The following ANKRD7 variants were observed in gnomAD, a reference collection of about 807,000 sequenced individuals.
The protein encoded by ANKRD7 is ankyrin repeat domain 7.
A neutral mutation model predicts 30.8 loss-of-function variants in ANKRD7; 30 were observed. The observed-to-expected ratio is 0.97, with a 90% CI of 0.73 to 1.32. The LOEUF (loss-of-function observed/expected upper bound fraction) is 1.32, where lower values mean the gene tolerates loss of function less well. Ranked by LOEUF, ANKRD7 falls within the 40% of genes most tolerant of loss-of-function variation. ANKRD7 has a pLI of 0.00. For missense variants in ANKRD7, 264 were observed against 295.7 expected, an observed-to-expected ratio of 0.89 and a Z score of 0.79; for synonymous variants, 97 against 106.6, an observed-to-expected ratio of 0.91 and a Z score of 0.55.
At chr7:118,230,882 C>G (rs1359527210) in intron 1 of ANKRD7, among the ~76,000 whole-genome samples, 1 of 151,752 alleles carries the variant, frequency 6.6e-6, no homozygotes, top group East Asian at 1.9e-4. Context: ...GTCTCTGAAA[C>G]CTCATGTAAG....
Position 118,234,852 on chromosome 7 carries a change from C to G in ANKRD7, c.446C>G (p.Ala149Gly). The change falls in exon 3 of 7, where the codon GCT becomes GGT. Residue 149 changes from alanine (A) to glycine (G), a missense_variant. Ala to Gly is a moderately conservative substitution (Grantham distance 60). Coordinates refer to ENST00000265224, the MANE Select transcript of ANKRD7 (RefSeq NM_019644.4). The part of the protein sequence containing the change: ...SLVEKLLEYE[A>G]DLEAKNKDGY... ...GTTGAAAAACTGCTTGAATACGAAG[C>G]TGATCTTGAAGCGAAAAATAAGGTA... 13 of 1,603,422 alleles carry G rather than the reference C, an allele frequency of 8.1e-6. No individual in the cohort carries two copies. The highest frequency in any genetic ancestry group is 1.0e-5 in the Non-Finnish European group (12 of 1,177,236).
In ANKRD7 at chr7:118,224,877, G is replaced by A. The variant is rs777653179; in HGVS notation, c.47G>A (p.Ser16Asn). The change falls in exon 1 of 7, where the codon AGC (serine) becomes AAC (asparagine). Residue 16 changes from serine (S) to asparagine (N), a missense_variant. Coordinates refer to ENST00000265224, the MANE Select transcript of ANKRD7 (RefSeq NM_019644.4). ...TGGAAGAGGAAGAATGAGACCCGCAGCCAGGGCTACAACCTTCGAGAAAAG... is the reference window on the plus strand; with the variant it reads ...TGGAAGAGGAAGAATGAGACCCGCAACCAGGGCTACAACCTTCGAGAAAAG... ...SFWKRKNETR[S>N]QGYNLREKDL... 8.7e-6 allele frequency: 14 copies of A among 1,614,026 alleles called. No individual in the cohort carries two copies. Among genetic ancestry groups the A allele is most frequent in the South Asian group, 1.1e-5 (1 of 91,086 alleles).
In ANKRD7 at chr7:118,236,062, G is replaced by A. The variant is rs1584725409; in HGVS notation, c.490G>A (p.Val164Ile). Residue 164 changes from valine (V) to isoleucine (I), a missense_variant, in exon 4 of 7, where the codon GTT becomes ATT. Transcript: ENST00000265224. ...KNKDGYTPLL[V>I]AVINNNPKMV... ...TCAGGATGGGTATACTCCACTATTA[G>A]TTGCCGTTATTAACAATAATCCAAA... The A allele has an allele frequency of 2.5e-6, 4 of 1,596,170 alleles. No homozygotes were observed. The highest frequency in any genetic ancestry group is 2.2e-5 in the East Asian group (1 of 44,666).
At chr7:118,232,403 A>G (rs1809657377) in intron 1 of ANKRD7, among the ~76,000 whole-genome samples, 1 of 152,076 alleles carries the variant, frequency 6.6e-6, no homozygotes, top group South Asian at 2.1e-4. Flanking sequence ...GAATATTGTG[A>G]ACTTTTCAGT....
At chr7:118,235,586 T>C (rs1383198003) in intron 3 of ANKRD7, among the ~76,000 whole-genome samples, 2 of 124,192 alleles carry the variant, frequency 1.6e-5, no homozygotes, top group African/African-American at 6.4e-5. Flanking sequence ...CACTCCAGCC[T>C]GGGCAACAGA....
chr7:118,241,788 C>G (rs1468585997), intron 6 of ANKRD7, among the ~76,000 whole-genome samples: 3 of 151,946 alleles, frequency 2.0e-5, no homozygotes, highest in Non-Finnish European at 4.4e-5. Context: ...ATCCGCCAGC[C>G]TCGGCCTCCC....
chr7:118,238,886 G>A (rs186781278), intron 5 of ANKRD7, among the ~76,000 whole-genome samples: 15 of 152,284 alleles, frequency 9.9e-5, no homozygotes, highest in Admixed American at 3.9e-4. Context: ...CGTGAAAGCC[G>A]TGGCCTAGTA....
intron 1 of ANKRD7, among the ~76,000 whole-genome samples, chr7:118,232,460 G>T (rs1257405698): frequency 6.6e-6 from 1 of 151,952 alleles, no homozygotes; most frequent in Non-Finnish European, 1.5e-5. Flanking sequence ...TTCAGATTTT[G>T]TACAAATGAC....
At chr7:118,233,761 T>G (rs1035051329) in intron 1 of ANKRD7, among the ~76,000 whole-genome samples, 2 of 152,104 alleles carry the variant, frequency 1.3e-5, no homozygotes, top group African/African-American at 4.8e-5. Flanking sequence ...ACCTTAGAAG[T>G]AGATAAATGT....
intron 6 of ANKRD7, among the ~76,000 whole-genome samples, chr7:118,240,774 A>C (rs1809819927): frequency 6.6e-6 from 1 of 152,208 alleles, no homozygotes; most frequent in Admixed American, 6.5e-5. Flanking sequence ...TAATTATATA[A>C]AATTTTAAAG....
Position 118,234,765 on chromosome 7 carries a change from T to G in ANKRD7, c.359T>G (p.Leu120Arg), listed in dbSNP as rs769679077. The change falls in exon 3 of 7, where the codon CTG becomes CGG. Residue 120 changes from leucine (L) to arginine (R), a missense_variant. Physicochemically the swap from Leu to Arg is moderately radical, Grantham distance 102. Transcript: ENST00000265224. Reference protein sequence around the residue: ...ILLNFGADPDLRDIRYNTVLH... With the variant: ...ILLNFGADPDRRDIRYNTVLH... The stretch of plus-strand genomic sequence containing the variant: ...CTAAACTTTGGTGCAGACCCAGATC[T>G]GAGGGATATTCGTTATAATACTGTT... 5 of 1,613,194 alleles carry G rather than the reference T, an allele frequency of 3.1e-6. No homozygotes were observed. The South Asian group carries it at 4.4e-5, about 14-fold the overall frequency.
chr7:118,231,551 G>T (rs758105596), intron 1 of ANKRD7, among the ~76,000 whole-genome samples: 3 of 151,978 alleles, frequency 2.0e-5, no homozygotes, highest in Admixed American at 6.6e-5. Flanking sequence ...GTTATCAGGA[G>T]CCCAAGAATG....
At chr7:118,231,289 A>G (rs938533474) in intron 1 of ANKRD7, among the ~76,000 whole-genome samples, 1 of 152,086 alleles carries the variant, frequency 6.6e-6, no homozygotes, top group Non-Finnish European at 1.5e-5. Flanking sequence ...AGTGTGCCTA[A>G]TAAGTTTGAA....
chr7:118,230,335 G>T (rs1158638558), intron 1 of ANKRD7, among the ~76,000 whole-genome samples: 1 of 151,922 alleles, frequency 6.6e-6, no homozygotes, highest in African/African-American at 2.4e-5. Context: ...CTACCTATTA[G>T]ATGCTATGTT....
At chr7:118,240,884 G>C (rs1425674645) in intron 6 of ANKRD7, among the ~76,000 whole-genome samples, 1 of 151,820 alleles carries the variant, frequency 6.6e-6, no homozygotes, top group Non-Finnish European at 1.5e-5. Flanking sequence ...GCCGGGCGCG[G>C]TGGCTCACGC....
chr7:118,228,969 A>T (rs1584721627), intron 1 of ANKRD7, among the ~76,000 whole-genome samples: 1 of 152,086 alleles, frequency 6.6e-6, no homozygotes, highest in Non-Finnish European at 1.5e-5. Context: ...ATCACTTTCC[A>T]TCTTACTAGG....
At chr7:118,241,648 T>C (rs1313528529) in intron 6 of ANKRD7, among the ~76,000 whole-genome samples, 1 of 150,124 alleles carries the variant, frequency 6.7e-6, no homozygotes, top group African/African-American at 2.5e-5. Context: ...CAAGCGATTT[T>C]CCTGCCTCAG....
chr7:118,242,637 G>T lies in ANKRD7; in HGVS notation c.*326G>T, dbSNP rs909936628. The T allele has an allele frequency of 6.6e-6, 1 of 152,080 alleles. No individual in the cohort carries two copies. The highest frequency in any genetic ancestry group is 2.4e-5 in the African/African-American group (1 of 41,440). 9.4% of individuals were successfully genotyped at this position (152,080 alleles called of 1,614,324 possible). A position where few individuals can be genotyped will look rare whatever the true frequency, so the allele number is the denominator to read the frequency against. ...TGAATGGAATAATAATGAGGAAACT[G>T]TGTTAGGCATGTATTAAAACATTTA... is the stretch of plus-strand genomic sequence containing the variant. On this transcript the variant is annotated 3_prime_UTR_variant, in exon 7 of 7. Coordinates refer to ENST00000265224, the MANE Select transcript of ANKRD7 (RefSeq NM_019644.4).
chr7:118,235,234 CA>C (rs1343582413), intron 3 of ANKRD7, among the ~76,000 whole-genome samples: 2 of 151,972 alleles, frequency 1.3e-5, no homozygotes, highest in African/African-American at 4.8e-5. Flanking sequence ...ATAATAATAA[CA>C]GGGTTGAAAT....
Sources: allele counts gnomAD v4.1 joint callset (sites outside exome capture counted in the v4.1 genomes callset), GRCh38; gene constraint gnomAD v4.1.1; transcripts MANE v1.5; gene names NCBI Gene and HGNC (gene_info 2026-07-23, HGNC 2026-07-21).